The following MBOAT2 variants were observed in gnomAD, a reference collection of about 807,000 sequenced individuals.
MBOAT2 encodes membrane-bound glycerophospholipid O-acyltransferase 2.
Under a neutral mutation model 63.4 loss-of-function variants are expected in MBOAT2, and 28 were observed. The ratio of observed to expected loss-of-function variants is 0.44; its 90% CI spans 0.33 to 0.61. The LOEUF (loss-of-function observed/expected upper bound fraction) is 0.61, where lower values mean the gene tolerates loss of function less well. Among genes scored for constraint, MBOAT2 ranks in the 20% least tolerant of loss-of-function variants. The pLI is 0.03. For synonymous variants in MBOAT2, 211 were observed against 215.6 expected (o/e 0.98, Z 0.19); for missense variants, 470 against 605.8 (o/e 0.78, Z 2.35).
At chr2:8,863,324 G>T (rs1280790201) in intron 10 of MBOAT2, among the ~76,000 whole-genome samples, 1 of 152,156 alleles carries the variant, frequency 6.6e-6, no homozygotes, top group Non-Finnish European at 1.5e-5. Context: ...TGTTTAATTT[G>T]TCATTTAAAA....
chr2:8,988,139 T>C (rs1054178858), intron 1 of MBOAT2, among the ~76,000 whole-genome samples: 1 of 152,222 alleles, frequency 6.6e-6, no homozygotes, highest in African/African-American at 2.4e-5. Flanking sequence ...ACAGATGAAC[T>C]GAACTTTGGC....
chr2:8,908,680 C>T lies in MBOAT2; in HGVS notation c.336G>A (p.Val112=), dbSNP rs760631036. ...AGATATAGACTCGAGTAACTTGGCA[C>T]ACTGTGAGGTATCCCAGAGCAAACA... ...CFVFALGYLT[V]CQVTRVYIFD... The change falls in exon 4 of 13, where the codon GTG becomes GTA. Residue 112 remains valine (V), a synonymous_variant. Transcript: ENST00000305997. The T allele has an allele frequency of 1.9e-6, 3 of 1,611,940 alleles. No individual in the cohort carries two copies. Among genetic ancestry groups the T allele is most frequent in the East Asian group, 4.5e-5 (2 of 44,794 alleles).
intron 2 of MBOAT2, among the ~76,000 whole-genome samples, chr2:8,945,003 G>A (rs1668315694): frequency 6.6e-6 from 1 of 152,108 alleles, no homozygotes; most frequent in Admixed American, 6.5e-5. Flanking sequence ...GTGTTCCTTT[G>A]CTACGTTAAA....
chr2:8,866,659 T>C (rs1454432672), intron 9 of MBOAT2, among the ~76,000 whole-genome samples: 4 of 152,252 alleles, frequency 2.6e-5, no homozygotes, highest in African/African-American at 9.6e-5. Flanking sequence ...TTTAGAAAAG[T>C]CTTTTCCAGT....
At chr2:8,870,938 A>G (rs1345923362) in intron 8 of MBOAT2, among the ~76,000 whole-genome samples, 2 of 152,238 alleles carry the variant, frequency 1.3e-5, no homozygotes, top group African/African-American at 4.8e-5. Flanking sequence ...GAGGATCAGA[A>G]GTACCCTAAG....
chr2:9,003,517 G>A lies in MBOAT2; in HGVS notation c.75+23C>T. ...GAGGGGCGGCGAGGGCGCGACGCCC[G>A]GCGCCAGGGCGCCTCGGGGTACCTG... On this transcript the variant is annotated intron_variant, in intron 1 of 12. Coordinates refer to ENST00000305997, the MANE Select transcript of MBOAT2 (RefSeq NM_138799.4). The surrounding 1 kb of genome is among the most constrained non-coding windows in gnomAD (Gnocchi z 5.4). 8.4e-7 allele frequency: 1 copy of A among 1,183,614 alleles called. No homozygotes were observed. The highest frequency in any genetic ancestry group is 1.0e-6 in the Non-Finnish European group (1 of 957,532). The allele number at this position is 1,183,614 out of a possible 1,614,324, so 73.3% of individuals were successfully genotyped here. A position where few individuals can be genotyped will look rare whatever the true frequency, so the allele number is the denominator to read the frequency against.
intron 7 of MBOAT2, among the ~76,000 whole-genome samples, chr2:8,875,868 C>A (rs756481278): frequency 4.6e-5 from 7 of 152,212 alleles, no homozygotes; most frequent in Non-Finnish European, 1.0e-4. Flanking sequence ...GAAGACAAAA[C>A]ACCTTTTTGG....
rs759460812 is a variant in MBOAT2, at chr2:8,856,297, G to T, written c.*2382C>A. On this transcript the variant is annotated 3_prime_UTR_variant, in exon 13 of 13. Coordinates refer to ENST00000305997, the MANE Select transcript of MBOAT2 (RefSeq NM_138799.4). The surrounding 1 kb of genome is among the most constrained non-coding windows in gnomAD (Gnocchi z 4.2). ...TGATTATTTGTAGGTGGCTAGATAG[G>T]CTGAACCAAAAAAAAACACACACAC... 1 of 139,206 alleles carries T rather than the reference G, an allele frequency of 7.2e-6. No homozygotes were observed. Among genetic ancestry groups the T allele is most frequent in the Non-Finnish European group, 1.5e-5 (1 of 66,860 alleles). The allele number at this position is 139,206 out of a possible 1,614,324, so 8.6% of individuals were successfully genotyped here. A position where few individuals can be genotyped will look rare whatever the true frequency, so the allele number is the denominator to read the frequency against.
intron 3 of MBOAT2, among the ~76,000 whole-genome samples, chr2:8,928,366 G>A (rs527787563): frequency 2.6e-5 from 4 of 152,262 alleles, no homozygotes; most frequent in South Asian, 2.1e-4. Context: ...TGACGCTAAC[G>A]AGGGGCTAAG....
chr2:8,963,267 G>C (rs1022859634), intron 1 of MBOAT2, among the ~76,000 whole-genome samples: 4 of 151,840 alleles, frequency 2.6e-5, no homozygotes, highest in African/African-American at 4.8e-5. Context: ...GGGGGGGCAG[G>C]GGGAGGGAAA....
intron 3 of MBOAT2, among the ~76,000 whole-genome samples, chr2:8,926,678 C>A (rs1329057757): frequency 2.0e-5 from 3 of 152,194 alleles, no homozygotes; most frequent in Non-Finnish European, 4.4e-5. Context: ...AGCTGCCAAG[C>A]TAACAGAGTC....
chr2:8,884,762 A>T (rs1260477680), intron 5 of MBOAT2, among the ~76,000 whole-genome samples: 1 of 152,256 alleles, frequency 6.6e-6, no homozygotes, highest in Non-Finnish European at 1.5e-5. Flanking sequence ...AGAAAAGTAG[A>T]CACAGAGCTT....
Position 9,002,418 on chromosome 2 carries a change from A to C in MBOAT2, c.75+1122T>G, listed in dbSNP as rs1462908637. ...GCTATGGAAAGCCGTCTGGACAAGAAGGAATCCCGTATTGAAGTGAAATCC... is the reference window on the plus strand; with the variant it reads ...GCTATGGAAAGCCGTCTGGACAAGACGGAATCCCGTATTGAAGTGAAATCC... On this transcript the variant is annotated intron_variant, in intron 1 of 12. Transcript: ENST00000305997. Among the ~76,000 whole-genome samples the C allele has an allele frequency of 3.9e-5, 6 of 152,244 alleles. 1 individual carries two copies. Among genetic ancestry groups the C allele is most frequent in the African/African-American group, 1.4e-4 (6 of 41,454 alleles).
chr2:8,892,249 C>A (rs1277415579), intron 4 of MBOAT2, among the ~76,000 whole-genome samples: 1 of 152,186 alleles, frequency 6.6e-6, no homozygotes, highest in African/African-American at 2.4e-5. Flanking sequence ...TAGGTAACAG[C>A]TTGCCACCAG....
intron 1 of MBOAT2, among the ~76,000 whole-genome samples, chr2:8,973,462 T>C (rs1177382787): frequency 1.3e-5 from 2 of 151,454 alleles, no homozygotes; most frequent in African/African-American, 4.9e-5. Context: ...GGCACATGTA[T>C]ACATATGTAA....
chr2:8,858,819 G>A lies in MBOAT2; in HGVS notation c.1423C>T (p.His475Tyr), dbSNP rs528858533. 1.1e-5 allele frequency: 17 copies of A among 1,613,880 alleles called. No homozygotes were observed. Among genetic ancestry groups the A allele is most frequent in the African/African-American group, 9.3e-5 (7 of 75,028 alleles). ...GATTGTGAGAGCTGAATGTTTTCATGTGTATTCTTTCTTCTTTGAGTTTTT... is the reference window on the plus strand; with the variant it reads ...GATTGTGAGAGCTGAATGTTTTCATATGTATTCTTTCTTCTTTGAGTTTTT... ...VKKTQRRKNT[H>Y]ENIQLSQSKK... The change falls in exon 13 of 13, where the codon CAT becomes TAT. Residue 475 changes from histidine to tyrosine, a missense_variant. This residue lies in a region of MBOAT2 where 90 missense variants were observed against 84.9 expected (regional missense o/e 1.06). Transcript: ENST00000305997.
At chr2:8,919,139 G>A (rs945599893) in intron 3 of MBOAT2, among the ~76,000 whole-genome samples, 1 of 152,128 alleles carries the variant, frequency 6.6e-6, no homozygotes, top group African/African-American at 2.4e-5. Flanking sequence ...GCCACATTTC[G>A]TTTATCCTTT....
chr2:8,963,307 T>TA (rs1460421081), intron 1 of MBOAT2, among the ~76,000 whole-genome samples: 2 of 151,636 alleles, frequency 1.3e-5, no homozygotes. Context: ...AAAAAGAAAC[T>TA]AATTTTTTTT....
At position 9,003,323 on chromosome 2, in the gene MBOAT2, G is replaced by A. The variant is rs1672845581; in HGVS notation, c.75+217C>T. On this transcript the variant is annotated intron_variant, in intron 1 of 12. Transcript: ENST00000305997. The surrounding 1 kb of genome is among the most constrained non-coding windows in gnomAD (Gnocchi z 5.4). ...ACAACGCCCGGCCCACCTCCCGCTC[G>A]GCCCGGGGATGGCGGGCTGGGGGCG... 6.6e-6 allele frequency among the ~76,000 whole-genome samples: 1 copy of A among 151,792 alleles called. No individual in the cohort carries two copies. Among genetic ancestry groups the A allele is most frequent in the Non-Finnish European group, 1.5e-5 (1 of 67,892 alleles).
Sources: allele counts gnomAD v4.1 joint callset (sites outside exome capture counted in the v4.1 genomes callset), GRCh38; gene constraint gnomAD v4.1.1; regional missense constraint gnomAD v4.1.1; non-coding constraint Gnocchi (gnomAD v3.1); transcripts MANE v1.5; gene names NCBI Gene and HGNC (gene_info 2026-07-23, HGNC 2026-07-21).